Variants in SREBF2 observed in about 807,000 individuals in gnomAD.
SREBF2 encodes the protein sterol regulatory element-binding protein 2.
A neutral mutation model predicts 113.1 loss-of-function variants in SREBF2; 55 were observed. That is an observed-to-expected ratio of 0.49 (90% confidence interval 0.39 to 0.61). SREBF2 has a LOEUF of 0.61. SREBF2 is among the 20% of genes least tolerant of loss of function. The pLI, the probability that SREBF2 is intolerant of heterozygous loss-of-function variation, is 0.00. For synonymous variants in SREBF2, 593 were observed against 605.7 expected (o/e 0.98, Z 0.31); for missense variants, 1,349 against 1,487.4 (o/e 0.91, Z 1.53).
At position 41,905,708 on chromosome 22, in the gene SREBF2, T is replaced by C. The variant is rs2157590; in HGVS notation, c.*48T>C. 0.15 allele frequency: 226,570 copies of C among 1,507,284 alleles called. 20,943 individuals carry two copies. The highest frequency in any genetic ancestry group is 0.4 in the Admixed American group (20,377 of 50,934). 93.4% of individuals were successfully genotyped at this position (1,507,284 alleles called of 1,614,324 possible). On this transcript the variant is annotated 3_prime_UTR_variant, in exon 19 of 19. Transcript: ENST00000361204. The stretch of plus-strand genomic sequence containing the variant: ...CCACCTCTCTCTCGATTTCTCTCTC[T>C]CCCCCTCAGCATCTTCCCGCTGAGA...
Position 41,897,138 on chromosome 22 carries a change from G to A in SREBF2, c.2582G>A (p.Ser861Asn), listed in dbSNP as rs2077423780. 1 of 1,611,634 alleles carries A rather than the reference G, an allele frequency of 6.2e-7. No individual in the cohort carries two copies. The highest frequency in any genetic ancestry group is 1.3e-5 in the African/African-American group (1 of 74,844). ...VGVMSPPLSR[S>N]SVLKSALGPD... ...GTTATGAGCCCCCCACTCTCCAGGA[G>A]CTCCGTGCTCAAGTCCGCCCTGGGT... is the stretch of plus-strand genomic sequence containing the variant. The change falls in exon 14 of 19, where the codon AGC becomes AAC. Residue 861 changes from serine (S) to asparagine (N), a missense_variant. Ser to Asn is a conservative substitution (Grantham distance 46). Around this residue, in one of 2 missense-constraint regions of SREBF2, gnomAD observed 650 missense variants for 644.1 expected, o/e 1.01. Coordinates refer to ENST00000361204, the MANE Select transcript of SREBF2 (RefSeq NM_004599.4).
At chr22:41,856,388 C>CA (rs993031551) in intron 1 of SREBF2, among the ~76,000 whole-genome samples, 7 of 152,170 alleles carry the variant, frequency 4.6e-5, no homozygotes, top group Non-Finnish European at 1.0e-4. Flanking sequence ...CTCAGCCTCT[C>CA]AAAGTGCTGG....
At chr22:41,875,474 T>TA in intron 6 of SREBF2, 23 bp downstream of exon 6, 1 of 1,614,208 alleles carries the variant, frequency 6.2e-7, no homozygotes, top group African/African-American at 1.3e-5. Flanking sequence ...AGAAAAGGCT[T>TA]GTCAGCCCTG....
chr22:41,875,850 A>G, intron 7 of SREBF2, 126 bp downstream of exon 7: 1 of 1,102,182 alleles, frequency 9.1e-7, no homozygotes, highest in Admixed American at 1.9e-5. Flanking sequence ...AAAAACAGGA[A>G]TTCTGTGAAA....
intron 7 of SREBF2, among the ~76,000 whole-genome samples, chr22:41,876,240 T>G (rs1348657935): frequency 6.6e-6 from 1 of 152,260 alleles, no homozygotes; most frequent in East Asian, 1.9e-4. Context: ...GCTCTGAGCC[T>G]AATGATCTTC....
intron 1 of SREBF2, among the ~76,000 whole-genome samples, chr22:41,852,100 G>A (rs778914431): frequency 6.6e-5 from 10 of 151,968 alleles, no homozygotes; most frequent in African/African-American, 1.9e-4. Context: ...CAGCCTGGGC[G>A]ATAGAGAGAG....
At position 41,867,032 on chromosome 22, in the gene SREBF2, TA is replaced by T; in HGVS notation, c.291del (p.Leu97PhefsTer54). The T allele has an allele frequency of 1.9e-6, 3 of 1,614,142 alleles. No homozygotes were observed. The highest frequency in any genetic ancestry group is 2.5e-6 in the Non-Finnish European group (3 of 1,180,032). On this transcript the variant is annotated frameshift_variant, in exon 2 of 19. Transcript: ENST00000361204. LOFTEE classifies it high-confidence loss of function. ...CAACGGTCATTCACCCAGGTCACAT[TA>T]CCTTCCTTCTCTCCCTCGGCGGCCT... is the stretch of plus-strand genomic sequence containing the variant. ...SVQRSFTQVT[L>X]PSFSPSAASP...
chr22:41,859,202 A>C (rs1267658763), intron 1 of SREBF2, among the ~76,000 whole-genome samples: 1 of 152,164 alleles, frequency 6.6e-6, no homozygotes, highest in Non-Finnish European at 1.5e-5. Context: ...AAATATATAA[A>C]TACCACAATG....
At chr22:41,882,095 G>A (rs1484645546) in intron 10 of SREBF2, among the ~76,000 whole-genome samples, 4 of 152,066 alleles carry the variant, frequency 2.6e-5, no homozygotes, top group Non-Finnish European at 5.9e-5. Context: ...GTGGATCCCA[G>A]AGGATCAAGG....
chr22:41,869,188 T>C (rs2077115574), intron 3 of SREBF2, among the ~76,000 whole-genome samples: 1 of 152,134 alleles, frequency 6.6e-6, no homozygotes, highest in Non-Finnish European at 1.5e-5. Flanking sequence ...CACTATAACC[T>C]CCGCCTCCCG....
At chr22:41,884,819 G>T (rs971419927) in intron 10 of SREBF2, 23 bp from the exon 11 acceptor site, 2 of 1,614,046 alleles carry the variant, frequency 1.2e-6, no homozygotes, top group Non-Finnish European at 1.7e-6. Context: ...ATCAACAATA[G>T]TGTCTGTTTC....
chr22:41,895,137 TGC>T (rs2148413770), intron 13 of SREBF2, among the ~76,000 whole-genome samples, 200 bp downstream of exon 13: 1 of 150,104 alleles, frequency 6.7e-6, no homozygotes, highest in East Asian at 2.0e-4. Context: ...CTAGACCAAG[TGC>T]GTTTTTTTTT....
At position 41,875,435 on chromosome 22, in the gene SREBF2, G is replaced by T. The variant is rs768759248; in HGVS notation, c.1188G>T (p.Leu396=). ...GCCAGGAGAACATGGTGCTGAAGCT[G>T]GCAAATCAAAAGAACAGTAAGTGTG... ...KLRQENMVLK[L]ANQKNKLLKG... is the part of the protein sequence containing the mutation. Residue 396 remains leucine (L), a synonymous_variant, in exon 6 of 19, where the codon CTG becomes CTT. Coordinates refer to ENST00000361204, the MANE Select transcript of SREBF2 (RefSeq NM_004599.4). The T allele has an allele frequency of 6.2e-7, 1 of 1,614,242 alleles. No individual in the cohort carries two copies. Among genetic ancestry groups the T allele is most frequent in the Admixed American group, 1.7e-5 (1 of 60,028 alleles).
Position 41,884,887 on chromosome 22 carries a change from T to C in SREBF2, c.2084T>C (p.Leu695Ser). ...GCCTGTTCCGATGTACACATGGCGT[T>C]GTGTGCCGTGAACCTGGCTGAATGT... Reference protein sequence around the residue: ...GSACSDVHMALCAVNLAECAE... With the variant: ...GSACSDVHMASCAVNLAECAE... Residue 695 changes from leucine to serine, a missense_variant, in exon 11 of 19, where the codon TTG (leucine) becomes TCG (serine). Physicochemically the swap from Leu to Ser is moderately radical, Grantham distance 145. Coordinates refer to ENST00000361204, the MANE Select transcript of SREBF2 (RefSeq NM_004599.4). 6.2e-7 allele frequency: 1 copy of C among 1,614,160 alleles called. No individual in the cohort carries two copies. Among genetic ancestry groups the C allele is most frequent in the Non-Finnish European group, 8.5e-7 (1 of 1,180,030 alleles).
chr22:41,837,119 C>T (rs2076783424), intron 1 of SREBF2, among the ~76,000 whole-genome samples: 1 of 152,128 alleles, frequency 6.6e-6, no homozygotes, highest in Non-Finnish European at 1.5e-5. Context: ...AGGCAGGGCA[C>T]TGTGAGCAAA....
intron 1 of SREBF2, among the ~76,000 whole-genome samples, chr22:41,860,446 G>A (rs1362373452): frequency 1.3e-5 from 2 of 152,222 alleles, no homozygotes; most frequent in Non-Finnish European, 2.9e-5. Flanking sequence ...AGAAATGGCT[G>A]TGAGGAAACA....
chr22:41,893,008 C>T, intron 11 of SREBF2, 109 bp from the exon 12 acceptor site: 1 of 1,351,900 alleles, frequency 7.4e-7, no homozygotes, highest in East Asian at 2.3e-5. Context: ...CTGATCTTTC[C>T]CAGTCTCCCC....
intron 3 of SREBF2, 95 bp downstream of exon 3, chr22:41,868,887 A>T: frequency 6.7e-7 from 1 of 1,493,464 alleles, no homozygotes; most frequent in Non-Finnish European, 9.1e-7. Flanking sequence ...AGGACCAACC[A>T]GAGTGTACAC....
intron 1 of SREBF2, among the ~76,000 whole-genome samples, chr22:41,865,075 G>A (rs568223177): frequency 2.0e-5 from 3 of 152,078 alleles, no homozygotes; most frequent in East Asian, 1.9e-4. Flanking sequence ...CACCACAACC[G>A]GTCTCAGCAG....
Sources: gnomAD v4.1 joint callset for allele counts (sites outside exome capture counted in the v4.1 genomes callset) on GRCh38, gnomAD v4.1.1 for gene constraint, gnomAD v4.1.1 regional missense constraint, MANE v1.5 for transcripts, NCBI Gene and HGNC (gene_info 2026-07-23, HGNC 2026-07-21) for gene names.